ANKS1B: variants seen among roughly 807,000 people sequenced by gnomAD.
The protein encoded by ANKS1B is ankyrin repeat and sterile alpha motif domain-containing protein 1B.
In ANKS1B, 36 loss-of-function variants were observed where a neutral mutation model predicts 148.3. The observed-to-expected ratio is 0.24, with a 90% CI of 0.19 to 0.32. ANKS1B has a LOEUF of 0.32. ANKS1B is among the 10% of genes least tolerant of loss of function. The probability of loss-of-function intolerance (pLI) is 1.00; values close to 1 mark genes in which losing one functional copy is unlikely to be tolerated. For missense variants in ANKS1B, 1,157 were observed against 1,542.6 expected, an observed-to-expected ratio of 0.75 and a Z score of 4.19; for synonymous variants, 542 against 560.8, an observed-to-expected ratio of 0.97 and a Z score of 0.47.
intron 12 of ANKS1B, among the ~76,000 whole-genome samples, chr12:99,393,211 AAAG>A (rs751032453): frequency 6.6e-6 from 1 of 152,206 alleles, no homozygotes; most frequent in African/African-American, 2.4e-5. Context: ...TTACCCGAGG[AAAG>A]AAGAACACAC....
At chr12:99,440,772 G>C (rs1000916371) in intron 11 of ANKS1B, among the ~76,000 whole-genome samples, 10 of 151,800 alleles carry the variant, frequency 6.6e-5, no homozygotes, top group Non-Finnish European at 1.2e-4. Flanking sequence ...GGACTCCTTC[G>C]TTACAATGGA....
At chr12:99,109,968 G>C (rs536960276) in intron 15 of ANKS1B, among the ~76,000 whole-genome samples, 2 of 152,166 alleles carry the variant, frequency 1.3e-5, no homozygotes, top group African/African-American at 4.8e-5. Context: ...CATAGGCCCA[G>C]AGAAGGGAAC....
chr12:99,241,541 C>T (rs1246203277), intron 14 of ANKS1B, among the ~76,000 whole-genome samples: 1 of 152,242 alleles, frequency 6.6e-6, no homozygotes, highest in Non-Finnish European at 1.5e-5. Flanking sequence ...CTCCCTAACT[C>T]ATTTTATGAG....
chr12:99,865,809 T>C (rs1190672542), intron 1 of ANKS1B, among the ~76,000 whole-genome samples: 1 of 152,146 alleles, frequency 6.6e-6, no homozygotes, highest in Non-Finnish European at 1.5e-5. Context: ...AATTTCCCAG[T>C]GAACATTTGT....
intron 15 of ANKS1B, among the ~76,000 whole-genome samples, chr12:99,086,505 G>C (rs540817797): frequency 6.6e-6 from 1 of 152,234 alleles, no homozygotes; most frequent in East Asian, 1.9e-4. Flanking sequence ...TTTTAAGAAA[G>C]AGAGTTACAT....
At chr12:99,888,762 A>G (rs1200066811) in intron 1 of ANKS1B, among the ~76,000 whole-genome samples, 1 of 152,202 alleles carries the variant, frequency 6.6e-6, no homozygotes, top group Non-Finnish European at 1.5e-5. Flanking sequence ...AGGTAAGGAA[A>G]GAAGAATTTC....
At chr12:99,817,772 A>AT (rs1204869509) in intron 2 of ANKS1B, among the ~76,000 whole-genome samples, 2 of 151,848 alleles carry the variant, frequency 1.3e-5, no homozygotes, top group South Asian at 4.1e-4. Flanking sequence ...GAGGTTAAGC[A>AT]TTTTTTCATA....
chr12:99,321,462 C>G lies in ANKS1B; in HGVS notation c.1757-74598G>C, dbSNP rs550434451. Among the ~76,000 whole-genome samples the G allele has an allele frequency of 2.0e-5, 3 of 152,324 alleles. No homozygotes were observed. In the East Asian group the frequency reaches 5.8e-4, roughly 29 times the overall value. On this transcript the variant is annotated intron_variant, in intron 12 of 26. Transcript: ENST00000683438. ...TGCAGTTCAATCTCAGACTGCTGTG[C>G]TAGCAGTGAGTGAGGCTCCATGGGC...
chr12:99,907,479 A>G (rs2093827196), intron 1 of ANKS1B, among the ~76,000 whole-genome samples: 1 of 152,194 alleles, frequency 6.6e-6, no homozygotes, highest in Non-Finnish European at 1.5e-5. Flanking sequence ...TCAACAGTTA[A>G]TAAGGGGAGC....
chr12:99,444,496 C>T, intron 10 of ANKS1B, among the ~76,000 whole-genome samples: 1 of 151,842 alleles, frequency 6.6e-6, no homozygotes, highest in East Asian at 1.9e-4. Context: ...GAAAAGATGA[C>T]TTGAAAATCA....
chr12:99,714,361 A>G (rs1184457809), intron 8 of ANKS1B, among the ~76,000 whole-genome samples: 1 of 152,186 alleles, frequency 6.6e-6, no homozygotes, highest in Non-Finnish European at 1.5e-5. Context: ...CTATGTAGTC[A>G]TACCTCATTT....
intron 1 of ANKS1B, among the ~76,000 whole-genome samples, chr12:99,974,885 T>G (rs1001866046): frequency 4.6e-5 from 7 of 152,112 alleles, no homozygotes; most frequent in African/African-American, 1.7e-4. Flanking sequence ...TCTAGCATGG[T>G]CAATCCTTTC....
chr12:99,274,007 G>A (rs2035880), intron 12 of ANKS1B, among the ~76,000 whole-genome samples: 2,238 of 152,198 alleles, frequency 0.015, 154 homozygotes, highest in Admixed American at 0.11. Context: ...GCTCTGCAAT[G>A]CCCTTAGATT....
At chr12:99,105,073 C>G (rs531717605) in intron 15 of ANKS1B, 2 of 152,314 alleles carry the variant, frequency 1.3e-5, no homozygotes, top group South Asian at 2.1e-4. Context: ...CTTCAAATAG[C>G]TGGACATAAA....
chr12:99,461,146 G>A (rs2095959279), intron 10 of ANKS1B, among the ~76,000 whole-genome samples: 1 of 151,804 alleles, frequency 6.6e-6, no homozygotes, highest in Admixed American at 6.6e-5. Flanking sequence ...GGATAGAACT[G>A]GTGACCATTA....
rs1555269938 is a variant in ANKS1B, at chr12:99,121,318, G to GGT, written c.2526+32969_2526+32970dup. Among the ~76,000 whole-genome samples the GGT allele has an allele frequency of 3.6e-3, 378 of 105,976 alleles. 2 individuals carry two copies. Among genetic ancestry groups the GGT allele is most frequent in the Middle Eastern group, 9.6e-3 (2 of 208 alleles). The allele number at this position is 105,976 out of a possible 152,430, so 69.5% of individuals were successfully genotyped here. ...ACTGTTTTAACAGTGTGTGTATGTAGGTATGTGTGTGTGTGTGTGTGTGTG... is the reference window on the plus strand; with the variant it reads ...ACTGTTTTAACAGTGTGTGTATGTAGGTGTATGTGTGTGTGTGTGTGTGTGTG... On this transcript the variant is annotated intron_variant, in intron 15 of 26. Coordinates refer to ENST00000683438, the MANE Select transcript of ANKS1B (RefSeq NM_001352186.2).
chr12:99,327,460 TTATA>T (rs973674556), intron 12 of ANKS1B, among the ~76,000 whole-genome samples: 5 of 136,138 alleles, frequency 3.7e-5, no homozygotes, highest in Admixed American at 8.3e-5. Flanking sequence ...TATATTATAA[TTATA>T]TATGTAAAAT....
At position 99,154,283 on chromosome 12, in the gene ANKS1B, T is replaced by A; in HGVS notation, c.2526+6A>T. The A allele has an allele frequency of 6.2e-7, 1 of 1,613,460 alleles. No individual in the cohort carries two copies. The highest frequency in any genetic ancestry group is 8.5e-7 in the Non-Finnish European group (1 of 1,179,568). On this transcript the variant is annotated splice_donor_region_variant and intron_variant, in intron 15 of 26. Coordinates refer to ENST00000683438, the MANE Select transcript of ANKS1B (RefSeq NM_001352186.2). ...GGCAGCTCCGTGGACACAGAGAGCT[T>A]CTTACCATAAACTGCACATTGTCAA...
At chr12:99,781,898 C>A (rs1355908615) in intron 5 of ANKS1B, 124 bp downstream of exon 5, 11 of 763,452 alleles carry the variant, frequency 1.4e-5, no homozygotes, top group Non-Finnish European at 2.3e-5. Context: ...GAATACATAT[C>A]TGCATTTTAG....
Sources: allele counts gnomAD v4.1 joint callset (sites outside exome capture counted in the v4.1 genomes callset), GRCh38; gene constraint gnomAD v4.1.1; transcripts MANE v1.5; gene names NCBI Gene and HGNC (gene_info 2026-07-23, HGNC 2026-07-21).